GYG2: variants seen among roughly 807,000 people sequenced by gnomAD.
The protein encoded by GYG2 is glycogenin-2.
Under a neutral mutation model 29.4 loss-of-function variants are expected in GYG2, and 29 were observed. That is an observed-to-expected ratio of 0.99 (90% CI 0.74 to 1.35). The LOEUF (loss-of-function observed/expected upper bound fraction) is 1.35, where lower values mean the gene tolerates loss of function less well. Ranked by LOEUF, GYG2 falls within the 40% of genes most tolerant of loss-of-function variation. The probability of loss-of-function intolerance (pLI) is 0.00; values close to 1 mark genes in which losing one functional copy is unlikely to be tolerated. For missense variants in GYG2, 370 were observed against 385.7 expected (o/e 0.96, Z 0.34); for synonymous variants, 167 against 172.3 (o/e 0.97, Z 0.24).
chrX:2,836,200 G>C (rs1351108496), intron 2 of GYG2, among the ~76,000 whole-genome samples: 1 of 111,210 alleles, frequency 9.0e-6, no homozygotes, highest in East Asian at 2.8e-4. Context: ...AAAACCATTG[G>C]CGTTGGGTTG....
At chrX:2,875,996 A>C in intron 9 of GYG2, 82 bp downstream of exon 9, 1 of 418,702 alleles carries the variant, frequency 2.4e-6, no homozygotes, top group Non-Finnish European at 3.8e-6. Flanking sequence ...CCCATTACAT[A>C]CCAGTGGGGG....
chrX:2,834,799 C>T (rs986210013), intron 2 of GYG2, among the ~76,000 whole-genome samples: 20 of 112,297 alleles, frequency 1.8e-4, no homozygotes, highest in South Asian at 1.5e-3. Context: ...TATGGCATAG[C>T]ACTGTGGACT....
chrX:2,869,164 G>A (rs1372869647), intron 8 of GYG2, among the ~76,000 whole-genome samples: 1 of 112,308 alleles, frequency 8.9e-6, no homozygotes, highest in African/African-American at 3.2e-5. Context: ...AACATGCACA[G>A]ACTTTTTTCT....
intron 8 of GYG2, among the ~76,000 whole-genome samples, chrX:2,863,504 A>C (rs1467810329): frequency 8.9e-6 from 1 of 112,373 alleles, no homozygotes; most frequent in Non-Finnish European, 1.9e-5. Flanking sequence ...TACTTCAGAT[A>C]GCTCCGGGAG....
chrX:2,865,674 A>G (rs763588412), intron 8 of GYG2, among the ~76,000 whole-genome samples: 1 of 111,483 alleles, frequency 9.0e-6, no homozygotes, highest in Non-Finnish European at 1.9e-5. Flanking sequence ...AAGCAAGGAC[A>G]CAAAAGCACG....
At chrX:2,845,974 T>A (rs746285532) in intron 3 of GYG2, among the ~76,000 whole-genome samples, 96 of 84,189 alleles carry the variant, frequency 1.1e-3, no homozygotes, top group African/African-American at 4.5e-3. Flanking sequence ...GATTTAAATT[T>A]AAAAAAATAT....
chrX:2,856,436 C>T (rs774080331), intron 5 of GYG2, 62 bp from the exon 6 acceptor site: 29 of 1,105,562 alleles, frequency 2.6e-5, no homozygotes, highest in Admixed American at 9.4e-5. Flanking sequence ...GCACATCTCG[C>T]ATTCTTGGAG....
chrX:2,870,814 T>G (rs938032091), intron 8 of GYG2, among the ~76,000 whole-genome samples: 2 of 112,190 alleles, frequency 1.8e-5, no homozygotes, highest in African/African-American at 6.5e-5. Context: ...CCATGTCTGA[T>G]AAATTACATA....
chrX:2,861,667 C>T lies in GYG2; in HGVS notation c.983C>T (p.Pro328Leu), dbSNP rs1302035133. The change falls in exon 8 of 11, where the codon CCG becomes CTG. Residue 328 changes from proline (P) to leucine (L), a missense_variant. Pro to Leu is a moderately conservative substitution (Grantham distance 98). Coordinates refer to ENST00000398806, the MANE Select transcript of GYG2 (RefSeq NM_001079855.2). ...CAGCCTGCTCAGGGCCTTCCGGAGC[C>T]GACCCAGATAGTGGATGAGACCCTG... ...SNQPAQGLPE[P>L]TQIVDETLSL... 11 of 1,202,568 alleles carry T rather than the reference C, an allele frequency of 9.1e-6. No individual in the cohort carries two copies. Among genetic ancestry groups the T allele is most frequent in the Admixed American group, 4.4e-5 (2 of 45,135 alleles).
Position 2,856,601 on chromosome X carries a change from C to A in GYG2, c.591C>A (p.Tyr197Ter). ...FIYNLSSNTM[Y>*]TYSPAFKQFG... ...ATAACTTGAGTAGTAACACGATGTA[C>A]ACTTACAGCCCTGCCTTCAAGCAGT... The change falls in exon 6 of 11, where the codon TAC becomes TAA. Residue 197 changes from tyrosine (Y) to a stop codon, truncating the protein, a stop_gained. Transcript: ENST00000398806. LOFTEE classifies it high-confidence loss of function. 8.3e-7 allele frequency: 1 copy of A among 1,206,462 alleles called. No homozygotes were observed. The highest frequency in any genetic ancestry group is 1.8e-5 in the South Asian group (1 of 56,554).
intron 2 of GYG2, among the ~76,000 whole-genome samples, chrX:2,833,310 A>C (rs1489985251): frequency 2.7e-5 from 3 of 110,511 alleles, no homozygotes; most frequent in Non-Finnish European, 5.7e-5. Flanking sequence ...CACCCTAGTG[A>C]CCTCATTTTA....
rs757503557 is a variant in GYG2, at chrX:2,843,147, C to T, written c.8-66C>T. ...AATCTTGGGAGAGGAGAGGAGGTGA[C>T]TATGGCCCCGTCACCCCTGCTGTCC... On this transcript the variant is annotated intron_variant, in intron 2 of 10. Coordinates refer to ENST00000398806, the MANE Select transcript of GYG2 (RefSeq NM_001079855.2). 9.5e-5 allele frequency: 90 copies of T among 944,037 alleles called. No individual in the cohort carries two copies. In the South Asian group the frequency reaches 1.3e-3, roughly 13 times the overall value. 77.8% of individuals were successfully genotyped at this position (944,037 alleles called of 1,213,427 possible).
Position 2,861,708 on chromosome X carries a change from C to T in GYG2, c.1024C>T (p.Arg342Cys), listed in dbSNP as rs17330993. The change falls in exon 8 of 11, where the codon CGC becomes TGC. Residue 342 changes from arginine (R) to cysteine (C), a missense_variant. By Grantham distance (180) the Arg-to-Cys change is radical (BLOSUM62 -3). Coordinates refer to ENST00000398806, the MANE Select transcript of GYG2 (RefSeq NM_001079855.2). ...TGAGACCCTGTCCCTACCTGAAGGA[C>T]GCCGTTCAGAAGATGTAAGTACCTG... is the stretch of plus-strand genomic sequence containing the variant. ...VDETLSLPEG[R>C]RSEDMIACPE... 0.013 allele frequency: 15,829 copies of T among 1,181,678 alleles called. 119 individuals carry two copies. The highest frequency in any genetic ancestry group is 0.037 in the Admixed American group (1,611 of 43,135).
At chrX:2,844,473 C>T (rs1258855030) in intron 3 of GYG2, among the ~76,000 whole-genome samples, 3 of 109,659 alleles carry the variant, frequency 2.7e-5, no homozygotes, top group African/African-American at 9.9e-5. Context: ...CACACGTATG[C>T]ATATATATGT....
chrX:2,844,598 GCACACGCA>G (rs1356938228), intron 3 of GYG2, among the ~76,000 whole-genome samples: 4 of 50,411 alleles, frequency 7.9e-5, no homozygotes, highest in Non-Finnish European at 1.4e-4. Flanking sequence ...ATGTGTATAC[GCACACGCA>G]TGCGTATATG....
chrX:2,867,205 A>G (rs1020138166), intron 8 of GYG2, among the ~76,000 whole-genome samples: 1 of 111,428 alleles, frequency 9.0e-6, no homozygotes, highest in Non-Finnish European at 1.9e-5. Context: ...GCAGTTCTCA[A>G]AAGTGATTGC....
rs375303757 is a variant in GYG2, at chrX:2,844,127, C to T, written c.149+773C>T. Among the ~76,000 whole-genome samples, 39 of 111,830 alleles carry T rather than the reference C, an allele frequency of 3.5e-4. 1 individual carries two copies. The East Asian group carries it at 8.7e-3, about 25-fold the overall frequency. On this transcript the variant is annotated intron_variant, in intron 3 of 10. Coordinates refer to ENST00000398806, the MANE Select transcript of GYG2 (RefSeq NM_001079855.2). ...ACCACTTAAAAAAATTGATTTTATA[C>T]GAATGGGACGAGGAGGCATTTAATA... is the stretch of plus-strand genomic sequence containing the variant.
intron 10 of GYG2, among the ~76,000 whole-genome samples, chrX:2,878,470 A>G (rs2088647949): frequency 9.0e-6 from 1 of 110,823 alleles, no homozygotes; most frequent in South Asian, 3.9e-4. Flanking sequence ...GGGTTTCACT[A>G]TGCTGTCCAG....
chrX:2,860,383 G>A (rs1349165356), intron 7 of GYG2, among the ~76,000 whole-genome samples: 2 of 110,976 alleles, frequency 1.8e-5, no homozygotes, highest in Admixed American at 1.9e-4. Flanking sequence ...GACGTCATTC[G>A]GGTCAACACT....
Sources: gnomAD v4.1 joint callset for allele counts (sites outside exome capture counted in the v4.1 genomes callset) on GRCh38, gnomAD v4.1.1 for gene constraint, MANE v1.5 for transcripts, NCBI Gene and HGNC (gene_info 2026-07-23, HGNC 2026-07-21) for gene names.